FSTL5: variants seen among roughly 807,000 people sequenced by gnomAD.
The protein encoded by FSTL5 is follistatin like 5, also known as follistatin-related protein 5.
Under a neutral mutation model 89.1 loss-of-function variants are expected in FSTL5, and 62 were observed. That is an observed-to-expected ratio of 0.70 (90% CI 0.57 to 0.86). The LOEUF is 0.86. Among genes scored for constraint, FSTL5 ranks in the 40% least tolerant of loss-of-function variants. The pLI is 0.00. For missense variants in FSTL5, 1,057 were observed against 1,001.6 expected (o/e 1.06, Z -0.75); for synonymous variants, 383 against 346.2 (o/e 1.11, Z -1.18).
intron 4 of FSTL5, among the ~76,000 whole-genome samples, chr4:161,784,055 C>T (rs1006929357): frequency 1.3e-5 from 2 of 151,736 alleles, no homozygotes; most frequent in African/African-American, 4.8e-5. Flanking sequence ...CCTGCCTCAG[C>T]CTCTTAGGTA....
chr4:162,135,635 A>G (rs1320535995), intron 1 of FSTL5, among the ~76,000 whole-genome samples: 3 of 151,998 alleles, frequency 2.0e-5, no homozygotes, highest in Non-Finnish European at 2.9e-5. Flanking sequence ...CTACTTTCTC[A>G]TCTGCCTTGG....
At chr4:162,081,165 C>G (rs892256910) in intron 2 of FSTL5, among the ~76,000 whole-genome samples, 5 of 151,566 alleles carry the variant, frequency 3.3e-5, no homozygotes, top group Non-Finnish European at 7.4e-5. Context: ...TCATGTAATA[C>G]CAATCTCTCG....
At chr4:161,399,642 T>A (rs1358939738) in intron 15 of FSTL5, among the ~76,000 whole-genome samples, 1 of 152,118 alleles carries the variant, frequency 6.6e-6, no homozygotes, top group East Asian at 1.9e-4. Context: ...CGTCTCATAA[T>A]GTTATTCAAA....
intron 4 of FSTL5, among the ~76,000 whole-genome samples, chr4:161,883,139 TAA>T (rs1043281273): frequency 4.6e-5 from 7 of 152,092 alleles, no homozygotes; most frequent in Non-Finnish European, 1.0e-4. Context: ...AACCAGAAGA[TAA>T]AAGTCTGAAA....
At chr4:161,695,954 T>A (rs1261890654) in intron 6 of FSTL5, among the ~76,000 whole-genome samples, 1 of 152,210 alleles carries the variant, frequency 6.6e-6, no homozygotes, top group African/African-American at 2.4e-5. Context: ...GCAAAAACTC[T>A]TTGGTTTAAT....
intron 4 of FSTL5, among the ~76,000 whole-genome samples, chr4:161,790,182 T>A (rs1031536298): frequency 2.0e-5 from 3 of 152,234 alleles, no homozygotes. Flanking sequence ...CTGTTATTTA[T>A]TGAAGACACA....
chr4:161,601,619 G>C (rs895543168), intron 7 of FSTL5, among the ~76,000 whole-genome samples: 6 of 152,092 alleles, frequency 3.9e-5, no homozygotes, highest in African/African-American at 1.4e-4. Flanking sequence ...AACTACCCTT[G>C]GTAGAGGGAC....
intron 3 of FSTL5, among the ~76,000 whole-genome samples, chr4:161,989,843 C>G (rs1453212515): frequency 6.6e-6 from 1 of 152,040 alleles, no homozygotes; most frequent in African/African-American, 2.4e-5. Context: ...ACTCACAGAA[C>G]CATGTACAAA....
intron 8 of FSTL5, among the ~76,000 whole-genome samples, chr4:161,562,596 T>C (rs1367817110): frequency 1.4e-5 from 2 of 142,942 alleles, no homozygotes; most frequent in African/African-American, 2.6e-5. Context: ...TTGATACTAA[T>C]ATAAATGGTT....
intron 15 of FSTL5, among the ~76,000 whole-genome samples, chr4:161,437,569 A>AAACAAAC (rs1553986234): frequency 2.9e-5 from 3 of 104,150 alleles, no homozygotes; most frequent in Non-Finnish European, 4.8e-5. Context: ...CCGTCTCAAA[A>AAACAAAC]AAAAAAAAAA....
At chr4:161,853,063 T>C (rs958291024) in intron 4 of FSTL5, among the ~76,000 whole-genome samples, 4 of 152,236 alleles carry the variant, frequency 2.6e-5, no homozygotes, top group African/African-American at 9.6e-5. Flanking sequence ...TTATGTATTA[T>C]TTTATCATTT....
At chr4:161,798,847 A>T (rs546417413) in intron 4 of FSTL5, among the ~76,000 whole-genome samples, 1 of 151,860 alleles carries the variant, frequency 6.6e-6, no homozygotes, top group East Asian at 1.9e-4. Flanking sequence ...TAAAGAAAAA[A>T]ACCCTAAAAC....
chr4:162,092,153 AAATATCCATGCTG>A lies in FSTL5; in HGVS notation c.126+19105_126+19117del, dbSNP rs1214653150. ...TTTAGAATAATCTAGGAACTTTTAT[AAATATCCATGCTG>A]GATTCCAGTTTTAGAACTGCTTATA... On this transcript the variant is annotated intron_variant, in intron 2 of 15. Transcript: ENST00000306100. 5.9e-5 allele frequency among the ~76,000 whole-genome samples: 9 copies of A among 152,204 alleles called. No individual in the cohort carries two copies. In the East Asian group the frequency reaches 1.7e-3, roughly 29 times the overall value.
chr4:161,461,692 T>A (rs1733589975), intron 13 of FSTL5, among the ~76,000 whole-genome samples: 1 of 151,802 alleles, frequency 6.6e-6, no homozygotes, highest in Non-Finnish European at 1.5e-5. Context: ...TTCATTTAAA[T>A]TTTTTCATGT....
At chr4:161,845,482 T>C (rs1319363196) in intron 4 of FSTL5, among the ~76,000 whole-genome samples, 1 of 152,226 alleles carries the variant, frequency 6.6e-6, no homozygotes, top group Non-Finnish European at 1.5e-5. Context: ...CAAGTGATAT[T>C]ATCAAGGTTG....
At chr4:161,768,463 T>C (rs1741093817) in intron 5 of FSTL5, among the ~76,000 whole-genome samples, 1 of 151,976 alleles carries the variant, frequency 6.6e-6, no homozygotes, top group Admixed American at 6.6e-5. Context: ...GAAATTCGAC[T>C]TGAGAGACAG....
At chr4:162,070,629 C>T (rs1729580550) in intron 2 of FSTL5, among the ~76,000 whole-genome samples, 1 of 151,760 alleles carries the variant, frequency 6.6e-6, no homozygotes. Flanking sequence ...AATGTATATT[C>T]TTGGCACCTT....
At chr4:162,125,046 C>T (rs911538190) in intron 1 of FSTL5, among the ~76,000 whole-genome samples, 3 of 152,264 alleles carry the variant, frequency 2.0e-5, no homozygotes, top group Admixed American at 2.0e-4. Context: ...TTTGATTCAG[C>T]CCACTGATTG....
rs1050430727 is a variant in FSTL5 at position 162,054,841 on chromosome 4, G to A, written c.127-21183C>T. 1.1e-4 allele frequency among the ~76,000 whole-genome samples: 16 copies of A among 151,986 alleles called. 1 individual carries two copies. Among genetic ancestry groups the A allele is most frequent in the African/African-American group, 3.4e-4 (14 of 41,466 alleles). ...TACCTGTATCCCAGTTCCTCTGGGA[G>A]AGGAGGAGCCTAACTTCATTACAAG... On this transcript the variant is annotated intron_variant, in intron 2 of 15. Transcript: ENST00000306100.
Sources: allele counts gnomAD v4.1 joint callset (sites outside exome capture counted in the v4.1 genomes callset), GRCh38; gene constraint gnomAD v4.1.1; transcripts MANE v1.5; gene names NCBI Gene and HGNC (gene_info 2026-07-23, HGNC 2026-07-21).